Variants in ATRNL1 observed in about 807,000 individuals in gnomAD.
ATRNL1 encodes attractin like 1, also known as attractin-like protein 1.
In ATRNL1, 95 loss-of-function variants were observed where a neutral mutation model predicts 182.7. That is an observed-to-expected ratio of 0.52 (90% confidence interval 0.44 to 0.62). The LOEUF (loss-of-function observed/expected upper bound fraction) is 0.62. Ranked by LOEUF, ATRNL1 falls within the 20% of genes least tolerant of loss-of-function variation. The probability of loss-of-function intolerance (pLI) is 0.00; values close to 1 mark genes in which losing one functional copy is unlikely to be tolerated. For missense variants in ATRNL1, 1,471 were observed against 1,679.5 expected, an observed-to-expected ratio of 0.88 and a Z score of 2.17; for synonymous variants, 576 against 568.3, an observed-to-expected ratio of 1.01 and a Z score of -0.19.
chr10:115,410,414 C>T (rs533271799), intron 20 of ATRNL1, among the ~76,000 whole-genome samples: 21 of 151,684 alleles, frequency 1.4e-4, no homozygotes, highest in Admixed American at 4.6e-4. Flanking sequence ...CTCTGCCTCT[C>T]GGGTTCAAGT....
intron 9 of ATRNL1, among the ~76,000 whole-genome samples, chr10:115,235,219 A>G (rs1850128968): frequency 6.6e-6 from 1 of 152,202 alleles, no homozygotes. Flanking sequence ...ATTTTTGTGA[A>G]AAAACCTTTT....
intron 25 of ATRNL1, 39 bp downstream of exon 25, chr10:115,519,363 CT>C: frequency 6.6e-7 from 1 of 1,524,782 alleles, no homozygotes; most frequent in South Asian, 1.1e-5. Flanking sequence ...CTTTTCAAGC[CT>C]GTATTCTGAT....
chr10:115,482,652 T>C (rs1848823180), intron 24 of ATRNL1, among the ~76,000 whole-genome samples: 1 of 151,122 alleles, frequency 6.6e-6, no homozygotes, highest in South Asian at 2.1e-4. Flanking sequence ...TAAAAACACA[T>C]ATAAAAATAG....
At chr10:115,299,992 C>T in intron 15 of ATRNL1, 42 bp from the exon 16 acceptor site, 1 of 1,441,136 alleles carries the variant, frequency 6.9e-7, no homozygotes, top group Non-Finnish European at 9.7e-7. Flanking sequence ...CATATTTTTA[C>T]ATCTAACTTT....
intron 5 of ATRNL1, among the ~76,000 whole-genome samples, chr10:115,157,732 TA>T (rs1554882436): frequency 6.6e-6 from 1 of 152,154 alleles, no homozygotes; most frequent in Non-Finnish European, 1.5e-5. Flanking sequence ...ATCCTTAATT[TA>T]ATACATCTGT....
intron 20 of ATRNL1, among the ~76,000 whole-genome samples, chr10:115,400,054 C>T (rs1328508647): frequency 6.6e-6 from 1 of 151,938 alleles, no homozygotes; most frequent in African/African-American, 2.4e-5. Flanking sequence ...TAATTTCTAT[C>T]ATCTATAAGG....
At chr10:115,867,381 T>A (rs1441830825) in intron 28 of ATRNL1, among the ~76,000 whole-genome samples, 3 of 152,206 alleles carry the variant, frequency 2.0e-5, no homozygotes, top group Admixed American at 6.5e-5. Flanking sequence ...TTTTTCCATG[T>A]CATATAATAA....
At chr10:115,772,695 A>G (rs1194491455) in intron 27 of ATRNL1, among the ~76,000 whole-genome samples, 8 of 151,922 alleles carry the variant, frequency 5.3e-5, no homozygotes, top group Admixed American at 2.6e-4. Flanking sequence ...GCTAAAAGCC[A>G]TAAGTATCCC....
intron 26 of ATRNL1, among the ~76,000 whole-genome samples, chr10:115,590,716 G>A (rs1855848319): frequency 6.6e-6 from 1 of 151,888 alleles, no homozygotes; most frequent in South Asian, 2.1e-4. Flanking sequence ...AAATTATCTG[G>A]CTCCCCACTC....
chr10:115,713,700 TCTATCATCTATCTATCTATCTATC>T (rs1164714530), intron 26 of ATRNL1, among the ~76,000 whole-genome samples: 97 of 130,628 alleles, frequency 7.4e-4, no homozygotes, highest in African/African-American at 2.6e-3. Context: ...TATCTATCTA[TCTATCATCTATCTATCTATCTATC>T]TATCTATCTA....
At chr10:115,707,482 A>C (rs2134009683) in intron 26 of ATRNL1, among the ~76,000 whole-genome samples, 1 of 151,758 alleles carries the variant, frequency 6.6e-6, no homozygotes, top group Non-Finnish European at 1.5e-5. Flanking sequence ...TATCATATTA[A>C]GTTTATTGGC....
intron 21 of ATRNL1, among the ~76,000 whole-genome samples, chr10:115,453,207 A>T (rs1281207473): frequency 3.3e-5 from 5 of 152,134 alleles, no homozygotes; most frequent in Non-Finnish European, 5.9e-5. Context: ...TGATCTGTAT[A>T]TACCTAAAAG....
intron 26 of ATRNL1, among the ~76,000 whole-genome samples, chr10:115,608,631 T>C (rs1856990403): frequency 1.3e-5 from 2 of 152,178 alleles, no homozygotes; most frequent in Admixed American, 6.6e-5. Flanking sequence ...ATTAAAGATA[T>C]GTAAAGTAAA....
At chr10:115,164,630 G>A (rs144165219) in intron 6 of ATRNL1, among the ~76,000 whole-genome samples, 169 of 152,228 alleles carry the variant, frequency 1.1e-3, no homozygotes, top group African/African-American at 4.0e-3. Context: ...TATACACAAT[G>A]GAGTATTGTT....
chr10:115,255,363 A>T (rs1851075731), intron 10 of ATRNL1, among the ~76,000 whole-genome samples: 2 of 152,120 alleles, frequency 1.3e-5, no homozygotes, highest in African/African-American at 4.8e-5. Context: ...ATCCCTTGTA[A>T]GTTGGCTTCC....
At chr10:115,197,246 A>G (rs1848397271) in intron 8 of ATRNL1, among the ~76,000 whole-genome samples, 1 of 152,086 alleles carries the variant, frequency 6.6e-6, no homozygotes, top group South Asian at 2.1e-4. Flanking sequence ...ATAATATATT[A>G]TCCTTTTCAT....
chr10:115,502,233 A>G (rs1849879527), intron 24 of ATRNL1, among the ~76,000 whole-genome samples: 1 of 152,130 alleles, frequency 6.6e-6, no homozygotes, highest in African/African-American at 2.4e-5. Flanking sequence ...GTACTTGACA[A>G]TGCTTCTTGT....
Position 115,241,698 on chromosome 10 carries a change from T to C in ATRNL1, c.1660T>C (p.Ser554Pro). ...CTTGAGTAACGGTGCAAAATGTTTTTCTGCCGATTTCCTGGCATATGACAT... is the reference window on the plus strand; with the variant it reads ...CTTGAGTAACGGTGCAAAATGTTTTCCTGCCGATTTCCTGGCATATGACAT... ...TSLSNGAKCF[S>P]ADFLAYDIAC... Residue 554 changes from serine to proline, a missense_variant, in exon 10 of 29, where the codon TCT (serine) becomes CCT (proline). Ser to Pro is a moderately conservative substitution (Grantham distance 74). Coordinates refer to ENST00000355044, the MANE Select transcript of ATRNL1 (RefSeq NM_207303.4). 6.2e-7 allele frequency: 1 copy of C among 1,610,994 alleles called. No homozygotes were observed. Among genetic ancestry groups the C allele is most frequent in the Non-Finnish European group, 8.5e-7 (1 of 1,177,886 alleles).
intron 26 of ATRNL1, among the ~76,000 whole-genome samples, chr10:115,715,954 C>T (rs991869138): frequency 6.6e-6 from 1 of 152,180 alleles, no homozygotes; most frequent in Non-Finnish European, 1.5e-5. Context: ...GACTTTCTCA[C>T]CTTCTGATTT....
Sources: gnomAD v4.1 joint callset for allele counts (sites outside exome capture counted in the v4.1 genomes callset) on GRCh38, gnomAD v4.1.1 for gene constraint, MANE v1.5 for transcripts, NCBI Gene and HGNC (gene_info 2026-07-23, HGNC 2026-07-21) for gene names.